Variants in GYS2 observed in about 807,000 individuals in gnomAD.
The protein encoded by GYS2 is glycogen [starch] synthase, liver.
GYS2 carries 80 observed loss-of-function variants against 85.6 expected under a neutral mutation model. The observed-to-expected ratio is 0.93, with a 90% confidence interval of 0.78 to 1.13. The LOEUF (loss-of-function observed/expected upper bound fraction) is 1.13, where lower values mean the gene tolerates loss of function less well. Ranked by LOEUF, GYS2 falls within the 50% of genes most tolerant of loss-of-function variation. The pLI, the probability that GYS2 is intolerant of heterozygous loss-of-function variation, is 0.00. For synonymous variants in GYS2, 328 were observed against 300.7 expected, an observed-to-expected ratio of 1.09 and a Z score of -0.94; for missense variants, 881 against 854.9, an observed-to-expected ratio of 1.03 and a Z score of -0.38.
Position 21,540,395 on chromosome 12 carries a change from T to C in GYS2, c.1809+15A>G, listed in dbSNP as rs768198096. ...TTTTTTAAGTGGTCTGCTGTGTTTATCTAAACTTGCTTACTCTGCCTAAGT... is the reference window on the plus strand; with the variant it reads ...TTTTTTAAGTGGTCTGCTGTGTTTACCTAAACTTGCTTACTCTGCCTAAGT... On this transcript the variant is annotated intron_variant, in intron 14 of 15. Transcript: ENST00000261195. 4.3e-6 allele frequency: 7 copies of C among 1,611,768 alleles called. No homozygotes were observed. In the South Asian group the frequency reaches 7.7e-5, roughly 18 times the overall value.
chr12:21,544,133 T>C (rs1944010974), intron 12 of GYS2, among the ~76,000 whole-genome samples: 1 of 152,152 alleles, frequency 6.6e-6, no homozygotes, highest in Admixed American at 6.5e-5. Context: ...CGTAAAAAGA[T>C]TATTCTAAAA....
intron 1 of GYS2, among the ~76,000 whole-genome samples, chr12:21,591,521 T>C (rs1565611836): frequency 6.6e-6 from 1 of 152,110 alleles, no homozygotes; most frequent in Non-Finnish European, 1.5e-5. Flanking sequence ...ATATTCAAAT[T>C]TGCAGTTTCC....
chr12:21,540,412 T>C lies in GYS2; in HGVS notation c.1807A>G (p.Arg603Gly). The C allele has an allele frequency of 6.2e-7, 1 of 1,613,908 alleles. No homozygotes were observed. Among genetic ancestry groups the C allele is most frequent in the Non-Finnish European group, 8.5e-7 (1 of 1,179,772 alleles). Residue 603 changes from arginine (R) to glycine (G), a missense_variant and splice_region_variant, in exon 14 of 16, where the codon AGA becomes GGA. By Grantham distance (125) the Arg-to-Gly change is moderately radical. Transcript: ENST00000261195. ...SDLLDWRYLGRYYQHARHLTL... is the reference protein window; with the variant it reads ...SDLLDWRYLGGYYQHARHLTL... ...TGTGTTTATCTAAACTTGCTTACTC[T>C]GCCTAAGTATCTCCAATCCAGAAGA... is the stretch of plus-strand genomic sequence containing the variant.
At chr12:21,594,960 A>AT (rs1447191563) in intron 1 of GYS2, among the ~76,000 whole-genome samples, 1 of 152,190 alleles carries the variant, frequency 6.6e-6, no homozygotes, top group African/African-American at 2.4e-5. Flanking sequence ...TAGCCAACAG[A>AT]TTTTCAACAA....
chr12:21,540,921 G>A (rs1310585593), intron 13 of GYS2, among the ~76,000 whole-genome samples: 1 of 152,042 alleles, frequency 6.6e-6, no homozygotes, highest in Non-Finnish European at 1.5e-5. Flanking sequence ...CCACTGTTCA[G>A]CCGAGGCTGA....
At chr12:21,552,342 G>T (rs560867519) in intron 11 of GYS2, among the ~76,000 whole-genome samples, 2 of 152,194 alleles carry the variant, frequency 1.3e-5, no homozygotes, top group African/African-American at 2.4e-5. Flanking sequence ...AAGGCAAAAT[G>T]ATAAATAAAT....
downstream of GYS2, among the ~76,000 whole-genome samples, chr12:21,534,643 A>C (rs1206299065): frequency 2.0e-5 from 3 of 152,060 alleles, no homozygotes; most frequent in African/African-American, 7.2e-5. Context: ...AAGAAAGAAA[A>C]AGGAAGAAAG....
intron 13 of GYS2, among the ~76,000 whole-genome samples, chr12:21,541,385 T>C (rs1318700002): frequency 2.7e-5 from 4 of 150,832 alleles, no homozygotes; most frequent in African/African-American, 7.3e-5. Flanking sequence ...CAGATAATGG[T>C]ATGCAAATTA....
intron 3 of GYS2, among the ~76,000 whole-genome samples, chr12:21,575,658 A>T (rs1944435994): frequency 6.6e-6 from 1 of 152,130 alleles, no homozygotes; most frequent in Non-Finnish European, 1.5e-5. Flanking sequence ...ATTTGACATG[A>T]GGTAAATAGT....
chr12:21,594,782 A>G (rs1944677381), intron 1 of GYS2, among the ~76,000 whole-genome samples: 1 of 152,236 alleles, frequency 6.6e-6, no homozygotes, highest in African/African-American at 2.4e-5. Context: ...TAGCTCCAGT[A>G]GCCAAAGTCA....
At chr12:21,574,750 T>G (rs1052452950) in intron 3 of GYS2, among the ~76,000 whole-genome samples, 1 of 152,084 alleles carries the variant, frequency 6.6e-6, no homozygotes, top group Non-Finnish European at 1.5e-5. Flanking sequence ...TACTTAAATT[T>G]TTTTTAATTG....
chr12:21,556,946 A>G (rs1057062538), intron 11 of GYS2, among the ~76,000 whole-genome samples: 1 of 152,224 alleles, frequency 6.6e-6, no homozygotes, highest in African/African-American at 2.4e-5. Flanking sequence ...GAAGCTAGTG[A>G]TAAGAATGAA....
chr12:21,597,384 T>C (rs570271895), intron 1 of GYS2, among the ~76,000 whole-genome samples: 35 of 151,900 alleles, frequency 2.3e-4, no homozygotes, highest in Non-Finnish European at 4.3e-4. Flanking sequence ...CATTAAAAAA[T>C]TGGCAAAGGA....
intron 11 of GYS2, among the ~76,000 whole-genome samples, chr12:21,550,738 C>A (rs544644111): frequency 6.6e-6 from 1 of 152,086 alleles, no homozygotes; most frequent in African/African-American, 2.4e-5. Flanking sequence ...GTCAGGAGTT[C>A]GAGACCAGCC....
Position 21,540,364 on chromosome 12 carries a change from G to A in GYS2, c.1809+46C>T, listed in dbSNP as rs576479677. The A allele has an allele frequency of 6.1e-6, 9 of 1,482,500 alleles. 1 individual carries two copies. The East Asian group carries it at 1.8e-4, about 30-fold the overall frequency. The allele number at this position is 1,482,500 out of a possible 1,614,324, so 91.8% of individuals were successfully genotyped here. ...CTAGAATCAATATGTTTATAGTCCA[G>A]TGGAATTTTTTAAGTGGTCTGCTGT... On this transcript the variant is annotated intron_variant, in intron 14 of 15. Transcript: ENST00000261195.
In GYS2 at chr12:21,542,890, C is replaced by T. The variant is rs187771555; in HGVS notation, c.1550-299G>A. Among the ~76,000 whole-genome samples the T allele has an allele frequency of 7.1e-4, 108 of 152,320 alleles. 1 individual carries two copies. Among genetic ancestry groups the T allele is most frequent in the Middle Eastern group, 6.8e-3 (2 of 294 alleles). On this transcript the variant is annotated intron_variant, in intron 12 of 15. Coordinates refer to ENST00000261195, the MANE Select transcript of GYS2 (RefSeq NM_021957.4). ...TAGCTGGGATTTGAAGTCAGGCACC[C>T]GGCTGCAGAACCCTTGTGCGGAACT...
In GYS2 at chr12:21,563,243, C is replaced by T. The variant is rs1233947907; in HGVS notation, c.926G>A (p.Arg309Gln). Residue 309 changes from arginine (R) to glutamine (Q), a missense_variant, in exon 6 of 16, where the codon CGA (arginine) becomes CAA (glutamine). Coordinates refer to ENST00000261195, the MANE Select transcript of GYS2 (RefSeq NM_021957.4). ...MYKARIQDFVRGHFYGHLDFD... is the reference protein window; with the variant it reads ...MYKARIQDFVQGHFYGHLDFD... ...AAAATCATACCCATAGAAATGACCT[C>T]GAACAAAATCTTGGATTCTGGCCTT... The T allele has an allele frequency of 1.4e-5, 23 of 1,599,650 alleles. No individual in the cohort carries two copies. The highest frequency in any genetic ancestry group is 6.7e-5 in the East Asian group (3 of 44,748).
At chr12:21,546,950 G>A (rs149784902) in intron 11 of GYS2, among the ~76,000 whole-genome samples, 64 of 152,284 alleles carry the variant, frequency 4.2e-4, no homozygotes, top group Non-Finnish European at 6.9e-4. Context: ...TTCTAGGAAT[G>A]CCATCTAGAT....
At chr12:21,542,439 CTTTG>C in intron 13 of GYS2, 53 bp downstream of exon 13, 1 of 1,013,746 alleles carries the variant, frequency 9.9e-7, no homozygotes, top group Non-Finnish European at 1.6e-6. Context: ...AGACCCTGTG[CTTTG>C]TTTGGTTAGA....
Sources: gnomAD v4.1 joint callset for allele counts (sites outside exome capture counted in the v4.1 genomes callset) on GRCh38, gnomAD v4.1.1 for gene constraint, MANE v1.5 for transcripts, NCBI Gene and HGNC (gene_info 2026-07-23, HGNC 2026-07-21) for gene names.